Variants in B3GALT5 observed in about 807,000 individuals in gnomAD.
The protein encoded by B3GALT5 is beta-1,3-galactosyltransferase 5.
For missense variants in B3GALT5, 328 were observed against 396.6 expected (o/e 0.83, Z 1.47); for synonymous variants, 156 against 158.6 (o/e 0.98, Z 0.12).
At chr21:39,642,105 A>G (rs1450871713) in intron 1 of B3GALT5, among the ~76,000 whole-genome samples, 3 of 152,330 alleles carry the variant, frequency 2.0e-5, no homozygotes, top group Admixed American at 6.5e-5. Flanking sequence ...CTTCCCTATA[A>G]CAGGCTACAA....
intron 1 of B3GALT5, among the ~76,000 whole-genome samples, chr21:39,615,468 T>C (rs1012797424): frequency 6.6e-6 from 1 of 152,186 alleles, no homozygotes; most frequent in Admixed American, 6.5e-5. Context: ...TATATCTAAT[T>C]TTGAACATCA....
At chr21:39,630,994 T>A (rs1394595512) in intron 1 of B3GALT5, among the ~76,000 whole-genome samples, 3 of 152,228 alleles carry the variant, frequency 2.0e-5, no homozygotes, top group African/African-American at 7.2e-5. Flanking sequence ...ATGGATAGAA[T>A]GAATGAAATG....
rs1297819378 is a variant in B3GALT5 at position 39,667,587 on chromosome 21, AGCTAGCCCT to A, written c.*6097_*6105del. 8.5e-5 allele frequency: 13 copies of A among 152,366 alleles called. No homozygotes were observed. The South Asian group carries it at 2.5e-3, about 29-fold the overall frequency. The allele number at this position is 152,366 out of a possible 1,614,324, so 9.4% of individuals were successfully genotyped here. A position where few individuals can be genotyped will look rare whatever the true frequency, so the allele number is the denominator to read the frequency against. ...GGATTCCGTCCGCTCTTTAGGGCACAGCTAGCCCTGTGCACCTGTAGAAACTGTACTGAC... is the reference window on the plus strand; with the variant it reads ...GGATTCCGTCCGCTCTTTAGGGCACAGTGCACCTGTAGAAACTGTACTGAC... On this transcript the variant is annotated 3_prime_UTR_variant, in exon 4 of 4. Coordinates refer to ENST00000684187, the MANE Select transcript of B3GALT5 (RefSeq NM_001356336.2).
intron 1 of B3GALT5, among the ~76,000 whole-genome samples, chr21:39,640,310 C>T (rs1388094148): frequency 6.6e-6 from 1 of 152,114 alleles, no homozygotes; most frequent in African/African-American, 2.4e-5. Flanking sequence ...ACCAGCCCTG[C>T]GCCTCCTGTC....
chr21:39,639,361 TCC>T (rs1340409594), intron 1 of B3GALT5, among the ~76,000 whole-genome samples: 58 of 133,234 alleles, frequency 4.4e-4, no homozygotes, highest in African/African-American at 4.8e-4. Context: ...CTTCCTTCCT[TCC>T]TTCCTTCCTT....
At chr21:39,650,905 C>T (rs2079388934) in intron 2 of B3GALT5, among the ~76,000 whole-genome samples, 2 of 151,810 alleles carry the variant, frequency 1.3e-5, no homozygotes, top group Admixed American at 6.6e-5. Flanking sequence ...CCACTTCTTC[C>T]ACCCCAGCGC....
At position 39,660,749 on chromosome 21, in the gene B3GALT5, ACCT is replaced by A; in HGVS notation, c.192_194del (p.Ser66del). Reference sequence around the variant, plus strand: ...ACCTCCCTTCCTCGTCCTGCTGGTGACCTCATCCCACAAACAGTTGGCTGAGCG... The same window carrying A: ...ACCTCCCTTCCTCGTCCTGCTGGTGACATCCCACAAACAGTTGGCTGAGCG... On this transcript the variant is annotated inframe_deletion, in exon 4 of 4. Transcript: ENST00000684187. The A allele has an allele frequency of 1.3e-6, 2 of 1,547,470 alleles. No individual in the cohort carries two copies. The highest frequency in any genetic ancestry group is 1.7e-6 in the Non-Finnish European group (2 of 1,147,324).
intron 2 of B3GALT5, chr21:39,657,504 G>A (rs771483736): frequency 5.8e-6 from 1 of 171,278 alleles, no homozygotes; most frequent in South Asian, 2.0e-4. Flanking sequence ...TGGACTGATA[G>A]TTACACCATT....
chr21:39,646,164 C>G (rs1441706791), intron 1 of B3GALT5, among the ~76,000 whole-genome samples: 1 of 152,064 alleles, frequency 6.6e-6, no homozygotes, highest in Non-Finnish European at 1.5e-5. Flanking sequence ...TGCAGCTTTG[C>G]CCGGAAGCTG....
rs375024482 is a variant in B3GALT5, at chr21:39,639,065, T to C, written c.-391-7327T>C. Among the ~76,000 whole-genome samples the C allele has an allele frequency of 3.9e-5, 6 of 152,320 alleles. No homozygotes were observed. In the East Asian group the frequency reaches 7.7e-4, roughly 20 times the overall value. On this transcript the variant is annotated intron_variant, in intron 1 of 3. Transcript: ENST00000684187. ...CTGGGTGGACCTCTTTCCCACAGCCTCGCTCCCATATTACCACGAAAGGAA... is the reference window on the plus strand; with the variant it reads ...CTGGGTGGACCTCTTTCCCACAGCCCCGCTCCCATATTACCACGAAAGGAA...
chr21:39,633,178 A>G (rs1202621631), intron 1 of B3GALT5, among the ~76,000 whole-genome samples: 1 of 152,100 alleles, frequency 6.6e-6, no homozygotes, highest in Non-Finnish European at 1.5e-5. Flanking sequence ...GTTTCATCCA[A>G]TGCATGAGGG....
In B3GALT5 at chr21:39,660,807, A is replaced by G. The variant is rs1349920785; in HGVS notation, c.248A>G (p.Glu83Gly). ...RMAIRQTWGK[E>G]RMVKGKQLKT... ...GCCATCCGGCAGACGTGGGGGAAAG[A>G]GAGGATGGTGAAGGGAAAGCAGCTG... Residue 83 changes from glutamate to glycine, a missense_variant, in exon 4 of 4, where the codon GAG becomes GGG. Transcript: ENST00000684187. The G allele has an allele frequency of 1.3e-6, 2 of 1,590,096 alleles. No homozygotes were observed. Among genetic ancestry groups the G allele is most frequent in the East Asian group, 4.5e-5 (2 of 44,674 alleles).
chr21:39,626,551 G>C (rs2079164817), intron 1 of B3GALT5, among the ~76,000 whole-genome samples: 1 of 152,082 alleles, frequency 6.6e-6, no homozygotes, highest in South Asian at 2.1e-4. Flanking sequence ...CACCAGCAGA[G>C]CACAGGGGTT....
chr21:39,639,446 TTCTTTCTTTTTTTCTTTC>T (rs1393503255), intron 1 of B3GALT5, among the ~76,000 whole-genome samples: 10 of 126,120 alleles, frequency 7.9e-5, no homozygotes, highest in African/African-American at 2.4e-4. Context: ...CTTTCTTTCT[TTCTTTCTTTTTTTCTTTC>T]TCTCTCTCTC....
intron 1 of B3GALT5, among the ~76,000 whole-genome samples, chr21:39,628,516 A>G (rs1250213757): frequency 6.6e-6 from 1 of 152,210 alleles, no homozygotes; most frequent in Non-Finnish European, 1.5e-5. Flanking sequence ...GGCTTCTTGT[A>G]GCACAAAACG....
chr21:39,645,720 G>A (rs526242), intron 1 of B3GALT5, among the ~76,000 whole-genome samples: 7,248 of 152,184 alleles, frequency 0.048, 257 homozygotes, highest in Middle Eastern at 0.1. Context: ...TTGGAATAGA[G>A]ACCTGTTGTC....
At chr21:39,645,050 G>A (rs539060587) in intron 1 of B3GALT5, among the ~76,000 whole-genome samples, 4 of 152,264 alleles carry the variant, frequency 2.6e-5, no homozygotes, top group Admixed American at 6.5e-5. Context: ...GGAGGCGTCA[G>A]GCATGACCTG....
intron 2 of B3GALT5, chr21:39,657,640 A>C: frequency 3.8e-5 from 13 of 342,034 alleles, no homozygotes; most frequent in Admixed American, 4.9e-5. Context: ...CAATTCTTCT[A>C]AGAAATTTCT....
intron 2 of B3GALT5, chr21:39,657,738 T>C: frequency 1.5e-6 from 1 of 660,162 alleles, no homozygotes; most frequent in Non-Finnish European, 2.1e-6. Flanking sequence ...TTAATCTACC[T>C]ATCAATCTTT....
Sources: gnomAD v4.1 joint callset for allele counts (sites outside exome capture counted in the v4.1 genomes callset) on GRCh38, gnomAD v4.1.1 for gene constraint, MANE v1.5 for transcripts, NCBI Gene and HGNC (gene_info 2026-07-23, HGNC 2026-07-21) for gene names.